The following IFT81 variants were observed in gnomAD, a reference collection of about 807,000 sequenced individuals.
The protein encoded by IFT81 is intraflagellar transport 81.
Under a neutral mutation model 102.6 loss-of-function variants are expected in IFT81, and 72 were observed. That is an observed-to-expected ratio of 0.70 (90% confidence interval 0.58 to 0.85). The LOEUF (loss-of-function observed/expected upper bound fraction) is 0.85. Among genes scored for constraint, IFT81 ranks in the 40% least tolerant of loss-of-function variants. IFT81 has a pLI of 0.00. For missense variants in IFT81, 723 were observed against 787.3 expected, an observed-to-expected ratio of 0.92 and a Z score of 0.98; for synonymous variants, 237 against 242.7, an observed-to-expected ratio of 0.98 and a Z score of 0.22.
At chr12:110,158,282 G>A (rs1895953801) in intron 10 of IFT81, among the ~76,000 whole-genome samples, 2 of 152,196 alleles carry the variant, frequency 1.3e-5, no homozygotes, top group South Asian at 4.1e-4. Context: ...GTTTCACCAT[G>A]TTGGCCAGAC....
chr12:110,206,062 G>A (rs942503183), intron 17 of IFT81, among the ~76,000 whole-genome samples: 1 of 151,990 alleles, frequency 6.6e-6, no homozygotes, highest in Non-Finnish European at 1.5e-5. Context: ...TTCATTCCCC[G>A]CCACCCAGGA....
chr12:110,208,020 A>G (rs1452628327), intron 17 of IFT81, among the ~76,000 whole-genome samples: 3 of 152,194 alleles, frequency 2.0e-5, no homozygotes, highest in African/African-American at 7.2e-5. Flanking sequence ...TGTGCACAGA[A>G]GTTGAATGCT....
chr12:110,215,712 G>A (rs745981506), intron 18 of IFT81, among the ~76,000 whole-genome samples: 8 of 150,358 alleles, frequency 5.3e-5, no homozygotes, highest in Admixed American at 1.3e-4. Flanking sequence ...TTTTCCTACC[G>A]TGTCACTTAT....
In IFT81 at chr12:110,205,696, G is replaced by A. The variant is rs1593372950; in HGVS notation, c.1802+16G>A. Reference sequence around the variant, plus strand: ...AGGCAATTAGGCAAGTGATTTTGTTGTTTTATATTGAGATACTTAATATTT... The same window carrying A: ...AGGCAATTAGGCAAGTGATTTTGTTATTTTATATTGAGATACTTAATATTT... On this transcript the variant is annotated intron_variant, in intron 17 of 18. Coordinates refer to ENST00000242591, the MANE Select transcript of IFT81 (RefSeq NM_014055.4). The A allele has an allele frequency of 6.7e-7, 1 of 1,496,472 alleles. No individual in the cohort carries two copies. Among genetic ancestry groups the A allele is most frequent in the East Asian group, 2.3e-5 (1 of 43,482 alleles). 92.7% of individuals were successfully genotyped at this position (1,496,472 alleles called of 1,614,324 possible).
intron 11 of IFT81, among the ~76,000 whole-genome samples, chr12:110,177,936 A>G (rs1222472619): frequency 6.7e-6 from 1 of 149,744 alleles, no homozygotes; most frequent in Non-Finnish European, 1.5e-5. Context: ...CTCTACTAAA[A>G]ATACAAAAAT....
At chr12:110,155,667 AATCT>A (rs1895800784) in intron 10 of IFT81, among the ~76,000 whole-genome samples, 4 of 152,062 alleles carry the variant, frequency 2.6e-5, no homozygotes, top group Admixed American at 2.6e-4. Context: ...TTAGATAATC[AATCT>A]ATTTATATTT....
chr12:110,180,649 T>C (rs1897284787), intron 12 of IFT81, 78 bp downstream of exon 12: 1 of 980,534 alleles, frequency 1.0e-6, no homozygotes, highest in Non-Finnish European at 1.5e-6. Flanking sequence ...ACTGAAGTCA[T>C]TGTTTTTACT....
chr12:110,176,339 A>G (rs1897033849), intron 11 of IFT81, among the ~76,000 whole-genome samples: 2 of 151,946 alleles, frequency 1.3e-5, no homozygotes, highest in Admixed American at 6.6e-5. Context: ...GCAGCTCTCT[A>G]TTTACTGCCT....
chr12:110,205,211 G>A, intron 15 of IFT81: 1 of 315,386 alleles, frequency 3.2e-6, no homozygotes, highest in South Asian at 5.1e-5. Context: ...TCCATCCTGA[G>A]TGACAGAGTG....
At position 110,192,114 on chromosome 12, in the gene IFT81, T is replaced by C. The variant is rs148770579; in HGVS notation, c.1468-503T>C. On this transcript the variant is annotated intron_variant, in intron 13 of 18. Transcript: ENST00000242591. ...TTAACCTGGGAAGCAGAGGTTGCAGTGAGCTGAGATCACACCATTGCACTT... is the reference window on the plus strand; with the variant it reads ...TTAACCTGGGAAGCAGAGGTTGCAGCGAGCTGAGATCACACCATTGCACTT... Among the ~76,000 whole-genome samples the C allele has an allele frequency of 8.0e-3, 1,200 of 150,448 alleles. 18 individuals are homozygous for C. Among genetic ancestry groups the C allele is most frequent in the Middle Eastern group, 0.041 (12 of 294 alleles).
intron 12 of IFT81, among the ~76,000 whole-genome samples, chr12:110,181,746 T>TTTTA (rs1419624275): frequency 1.3e-5 from 2 of 152,236 alleles, no homozygotes; most frequent in Non-Finnish European, 2.9e-5. Context: ...TTGTTGCTTT[T>TTTTA]TTTAGTTCCA....
At chr12:110,127,996 C>T (rs1339191037) in intron 2 of IFT81, 50 bp from the exon 3 acceptor site, 1 of 1,245,446 alleles carries the variant, frequency 8.0e-7, no homozygotes, top group East Asian at 2.3e-5. Context: ...TAAATATTGT[C>T]CTTTGTTACA....
chr12:110,199,467 C>G (rs1234033911), intron 14 of IFT81, among the ~76,000 whole-genome samples: 2 of 152,124 alleles, frequency 1.3e-5, no homozygotes, highest in Non-Finnish European at 2.9e-5. Flanking sequence ...AGGGTAAATT[C>G]AAACTCCAAA....
Position 110,132,570 on chromosome 12 carries a change from T to C in IFT81, c.453T>C (p.Phe151=), listed in dbSNP as rs1894234744. Reference sequence around the variant, plus strand: ...AGTATGAAGAGTTAATGGAAGCCTTTAAAACTTTGCATAAAGAATATGAGC... The same window carrying C: ...AGTATGAAGAGTTAATGGAAGCCTTCAAAACTTTGCATAAAGAATATGAGC... ...NKQYEELMEA[F]KTLHKEYEQL... The change falls in exon 5 of 19, where the codon TTT becomes TTC. Residue 151 remains phenylalanine (F), a synonymous_variant. Coordinates refer to ENST00000242591, the MANE Select transcript of IFT81 (RefSeq NM_014055.4). 3.9e-6 allele frequency: 6 copies of C among 1,556,850 alleles called. No homozygotes were observed. Among genetic ancestry groups the C allele is most frequent in the Non-Finnish European group, 5.3e-6 (6 of 1,134,436 alleles).
At position 110,149,380 on chromosome 12, in the gene IFT81, T is replaced by C. The variant is rs1895393854; in HGVS notation, c.1041+2332T>C. 2.0e-5 allele frequency among the ~76,000 whole-genome samples: 3 copies of C among 152,172 alleles called. No homozygotes were observed. The South Asian group carries it at 6.2e-4, about 32-fold the overall frequency. ...GGGGCTCTGTCCCCACAGCAGTGTC[T>C]AAGGGTGAATGTTTACAGCGGAAGC... On this transcript the variant is annotated intron_variant, in intron 10 of 18. Coordinates refer to ENST00000242591, the MANE Select transcript of IFT81 (RefSeq NM_014055.4).
chr12:110,170,363 T>C, intron 11 of IFT81, among the ~76,000 whole-genome samples: 1 of 152,226 alleles, frequency 6.6e-6, no homozygotes, highest in Non-Finnish European at 1.5e-5. Context: ...TCTGGTAGCC[T>C]TCAGCTACCT....
chr12:110,212,788 G>A (rs1182760475), intron 18 of IFT81, among the ~76,000 whole-genome samples: 1 of 151,706 alleles, frequency 6.6e-6, no homozygotes, highest in Non-Finnish European at 1.5e-5. Flanking sequence ...AGTGAGCAGA[G>A]ATCACACCAT....
At position 110,202,047 on chromosome 12, in the gene IFT81, T is replaced by G. The variant is rs1158584339; in HGVS notation, c.1558-1817T>G. The stretch of plus-strand genomic sequence containing the variant: ...ATACATAAACCAGTAACATAGTAGT[T>G]TATTATCATCAAGTATTATATACAG... On this transcript the variant is annotated intron_variant, in intron 14 of 18. Coordinates refer to ENST00000242591, the MANE Select transcript of IFT81 (RefSeq NM_014055.4). Among the ~76,000 whole-genome samples the G allele has an allele frequency of 2.0e-5, 3 of 152,220 alleles. No homozygotes were observed. The East Asian group carries it at 5.8e-4, about 29-fold the overall frequency.
chr12:110,146,921 A>T (rs1566117493), intron 9 of IFT81, 32 bp from the exon 10 acceptor site: 1 of 1,580,150 alleles, frequency 6.3e-7, no homozygotes, highest in Non-Finnish European at 8.6e-7. Context: ...GGAAAGTTTT[A>T]ACTTTTTTTT....
Sources: allele counts gnomAD v4.1 joint callset (sites outside exome capture counted in the v4.1 genomes callset), GRCh38; gene constraint gnomAD v4.1.1; transcripts MANE v1.5; gene names NCBI Gene and HGNC (gene_info 2026-07-23, HGNC 2026-07-21).